Variants in PTPRN2 observed in about 807,000 individuals in gnomAD.
PTPRN2 encodes protein tyrosine phosphatase receptor type N2, also known as receptor-type tyrosine-protein phosphatase N2.
Under a neutral mutation model 118.8 loss-of-function variants are expected in PTPRN2, and 74 were observed. The observed-to-expected ratio is 0.62, with a 90% CI of 0.52 to 0.76. PTPRN2 has a LOEUF of 0.76. Ranked by LOEUF, PTPRN2 falls within the 30% of genes least tolerant of loss-of-function variation. The pLI, the probability that PTPRN2 is intolerant of heterozygous loss-of-function variation, is 0.00. For synonymous variants in PTPRN2, 641 were observed against 608.0 expected, an observed-to-expected ratio of 1.05 and a Z score of -0.80; for missense variants, 1,481 against 1,394.4, an observed-to-expected ratio of 1.06 and a Z score of -0.99.
At chr7:158,084,518 A>T (rs954493614) in intron 10 of PTPRN2, among the ~76,000 whole-genome samples, 4 of 152,082 alleles carry the variant, frequency 2.6e-5, no homozygotes, top group Admixed American at 2.6e-4. Flanking sequence ...TTTCTGTACT[A>T]ATCAGGAAAT....
intron 12 of PTPRN2, among the ~76,000 whole-genome samples, chr7:157,692,437 G>C (rs905863946): frequency 6.6e-6 from 1 of 152,228 alleles, no homozygotes; most frequent in African/African-American, 2.4e-5. Context: ...AAAACCTGGG[G>C]GCGAGCCCCA....
chr7:158,391,203 C>G (rs530370859), intron 2 of PTPRN2, among the ~76,000 whole-genome samples: 2 of 152,212 alleles, frequency 1.3e-5, no homozygotes, highest in Non-Finnish European at 2.9e-5. Context: ...AGAACCTGCA[C>G]GAGAGACATT....
intron 12 of PTPRN2, among the ~76,000 whole-genome samples, chr7:157,766,811 G>A (rs1013222403): frequency 4.6e-5 from 7 of 152,216 alleles, no homozygotes; most frequent in Admixed American, 1.3e-4. Flanking sequence ...GGTGGCTCTC[G>A]AAACACGTCC....
rs867486274 is a variant in PTPRN2 at position 158,271,011 on chromosome 7, A to C, written c.277+45808T>G. Among the ~76,000 whole-genome samples, 142 of 32,804 alleles carry C rather than the reference A, an allele frequency of 4.3e-3. 1 individual carries two copies. Among genetic ancestry groups the C allele is most frequent in the African/African-American group, 8.6e-3 (56 of 6,486 alleles). The allele number at this position is 32,804 out of a possible 152,430, so 21.5% of individuals were successfully genotyped here. A position where few individuals can be genotyped will look rare whatever the true frequency, so the allele number is the denominator to read the frequency against. On this transcript the variant is annotated intron_variant, in intron 3 of 22. Transcript: ENST00000389418. ...CTGGGCCTCCCCATCCACCTGGACC[A>C]CCCCTCCACCTGGACGGCCCCCTCC...
At chr7:158,268,897 G>A (rs751696201) in intron 3 of PTPRN2, among the ~76,000 whole-genome samples, 2 of 139,082 alleles carry the variant, frequency 1.4e-5, no homozygotes, top group Non-Finnish European at 3.1e-5. Flanking sequence ...CACGCACACA[G>A]AGTGGGGTGT....
intron 1 of PTPRN2, among the ~76,000 whole-genome samples, chr7:158,561,997 G>C (rs534512362): frequency 2.0e-4 from 30 of 152,266 alleles, no homozygotes; most frequent in Admixed American, 3.9e-4. Flanking sequence ...CCTCTCTCTC[G>C]TGCGAAGAGA....
At chr7:158,355,747 T>G (rs2151276842) in intron 2 of PTPRN2, among the ~76,000 whole-genome samples, 1 of 152,318 alleles carries the variant, frequency 6.6e-6, no homozygotes, top group Non-Finnish European at 1.5e-5. Flanking sequence ...AGAATCTGCG[T>G]GCACAGGAGC....
intron 3 of PTPRN2, among the ~76,000 whole-genome samples, chr7:158,239,510 A>T (rs1367112981): frequency 1.3e-5 from 2 of 152,180 alleles, no homozygotes; most frequent in Non-Finnish European, 2.9e-5. Context: ...GAGGGTGTGC[A>T]GTCACTTTCC....
At chr7:158,284,187 G>A (rs764301443) in intron 3 of PTPRN2, among the ~76,000 whole-genome samples, 36 of 152,292 alleles carry the variant, frequency 2.4e-4, no homozygotes, top group African/African-American at 4.8e-4. Context: ...AGTGTGCACC[G>A]GACTCACAAG....
At chr7:157,725,633 C>T (rs1444351743) in intron 12 of PTPRN2, among the ~76,000 whole-genome samples, 1 of 135,034 alleles carries the variant, frequency 7.4e-6, no homozygotes, top group Non-Finnish European at 1.5e-5. Context: ...GCCATACCCT[C>T]GCCTCCCAGG....
chr7:158,271,983 C>A (rs4909163), intron 3 of PTPRN2, among the ~76,000 whole-genome samples: 54,964 of 152,048 alleles, frequency 0.36, 11,050 homozygotes, highest in African/African-American at 0.55. Context: ...GTAATTTGTA[C>A]TTATATACAA....
At chr7:158,259,175 G>A (rs757223788) in intron 3 of PTPRN2, among the ~76,000 whole-genome samples, 53 of 152,222 alleles carry the variant, frequency 3.5e-4, no homozygotes, top group Non-Finnish European at 6.2e-4. Flanking sequence ...TCTAGACACC[G>A]GAAGTGGAAG....
chr7:158,059,359 G>A lies in PTPRN2; in HGVS notation c.1723+21939C>T, dbSNP rs373519113. On this transcript the variant is annotated intron_variant, in intron 11 of 22. Coordinates refer to ENST00000389418, the MANE Select transcript of PTPRN2 (RefSeq NM_002847.5). ...CTGCAGCCACACTCCATCTGCACAC[G>A]GTGACGCATCACTGCAGCCACACTC... Among the ~76,000 whole-genome samples, 734 of 89,812 alleles carry A rather than the reference G, an allele frequency of 8.2e-3. 1 individual carries two copies. The highest frequency in any genetic ancestry group is 0.01 in the Non-Finnish European group (502 of 49,014). 58.9% of individuals were successfully genotyped at this position (89,812 alleles called of 152,430 possible).
chr7:158,057,599 C>T (rs992767083), intron 11 of PTPRN2, among the ~76,000 whole-genome samples: 1 of 152,176 alleles, frequency 6.6e-6, no homozygotes, highest in African/African-American at 2.4e-5. Flanking sequence ...GTGAGGCAGA[C>T]GGCCAGCTGC....
intron 9 of PTPRN2, among the ~76,000 whole-genome samples, chr7:158,125,477 C>T (rs1384453220): frequency 6.6e-6 from 1 of 152,090 alleles, no homozygotes; most frequent in Non-Finnish European, 1.5e-5. Context: ...CTTCTTCTTC[C>T]TCTTTTTCCT....
At chr7:157,882,611 C>T (rs73746689) in intron 12 of PTPRN2, among the ~76,000 whole-genome samples, 4,063 of 151,710 alleles carry the variant, frequency 0.027, 183 homozygotes, top group African/African-American at 0.092. Context: ...AACACACCAC[C>T]GCAAAATGAC....
chr7:157,940,429 GAAATCTAATGCCCTCCCCTGTGACACTGC>G (rs1217500542), intron 11 of PTPRN2, among the ~76,000 whole-genome samples: 2 of 152,066 alleles, frequency 1.3e-5, no homozygotes, highest in Non-Finnish European at 2.9e-5. Context: ...CACTGTTACA[GAAATCTAATGCCCTCCCCTGTGACACTGC>G]AAATCTAATG....
intron 11 of PTPRN2, 68 bp downstream of exon 11, chr7:158,081,230 G>A (rs1235033305): frequency 7.7e-6 from 11 of 1,423,030 alleles, no homozygotes; most frequent in South Asian, 4.6e-5. Context: ...GTGCATGTGC[G>A]TGTTTGCGTG....
intron 1 of PTPRN2, among the ~76,000 whole-genome samples, chr7:158,508,940 G>T (rs1321394980): frequency 6.6e-6 from 1 of 150,674 alleles, no homozygotes; most frequent in Non-Finnish European, 1.5e-5. Flanking sequence ...GCTCCTGTGG[G>T]TGTCAGGGCA....
Sources: gnomAD v4.1 joint callset for allele counts (sites outside exome capture counted in the v4.1 genomes callset) on GRCh38, gnomAD v4.1.1 for gene constraint, MANE v1.5 for transcripts, NCBI Gene and HGNC (gene_info 2026-07-23, HGNC 2026-07-21) for gene names.